MEIS1: variants seen among roughly 807,000 people sequenced by gnomAD.
MEIS1 encodes the protein Meis homeobox 1, also known as homeobox protein Meis1.
Under a neutral mutation model 50.8 loss-of-function variants are expected in MEIS1, and 5 were observed. The ratio of observed to expected loss-of-function variants is 0.10; its 90% CI spans 0.05 to 0.21. MEIS1 has a LOEUF of 0.21. MEIS1 is among the 10% of genes least tolerant of loss of function. The pLI is 1.00. For missense variants in MEIS1, 318 were observed against 517.3 expected (o/e 0.61, Z 3.74); for synonymous variants, 176 against 179.3 (o/e 0.98, Z 0.15).
chr2:66,440,530 C>T (rs746699840), intron 3 of MEIS1, 32 bp from the exon 4 acceptor site: 1 of 1,588,822 alleles, frequency 6.3e-7, no homozygotes, highest in African/African-American at 1.3e-5. Flanking sequence ...TCTCTCCCCT[C>T]CCTCTCCCCT....
intron 7 of MEIS1, among the ~76,000 whole-genome samples, chr2:66,481,743 A>T (rs1286893242): frequency 6.6e-6 from 1 of 151,204 alleles, no homozygotes; most frequent in Non-Finnish European, 1.5e-5. Flanking sequence ...GATTGGTTTT[A>T]TTCCATCTAC....
At chr2:66,567,770 C>T (rs543749423) in intron 10 of MEIS1, 12 of 608,558 alleles carry the variant, frequency 2.0e-5, no homozygotes, top group Non-Finnish European at 2.6e-5. Context: ...ATTCTTTGTA[C>T]ACATTCAATA....
At chr2:66,560,998 G>T (rs1483194096) in intron 9 of MEIS1, among the ~76,000 whole-genome samples, 3 of 152,162 alleles carry the variant, frequency 2.0e-5, no homozygotes, top group Non-Finnish European at 2.9e-5. Context: ...TTAAAATCAT[G>T]TTTCATGAAA....
intron 6 of MEIS1, among the ~76,000 whole-genome samples, chr2:66,463,686 C>CT (rs1330405019): frequency 6.6e-6 from 1 of 152,140 alleles, no homozygotes; most frequent in Admixed American, 6.5e-5. Context: ...CCATGTTTGT[C>CT]TTCTAGGATG....
At chr2:66,546,666 C>G (rs548182298) in intron 8 of MEIS1, among the ~76,000 whole-genome samples, 1 of 152,224 alleles carries the variant, frequency 6.6e-6, no homozygotes, top group South Asian at 2.1e-4. Context: ...ACTTGGAGCT[C>G]TTTAGAGAAA....
rs1319201869 is a variant in MEIS1 at position 66,437,984 on chromosome 2, G to T, written c.239+21G>T. On this transcript the variant is annotated intron_variant, in intron 2 of 12. Coordinates refer to ENST00000272369, the MANE Select transcript of MEIS1 (RefSeq NM_002398.3). ...TATGGGTAGGTACAATGGGCAGCAG[G>T]TTAAGTAGTTGAGACTCAACGCTTC... 10 of 1,541,998 alleles carry T rather than the reference G, an allele frequency of 6.5e-6. No homozygotes were observed. The Admixed American group carries it at 9.8e-5, about 15-fold the overall frequency.
At chr2:66,453,239 G>T (rs557363378) in intron 6 of MEIS1, among the ~76,000 whole-genome samples, 1 of 151,990 alleles carries the variant, frequency 6.6e-6, no homozygotes, top group African/African-American at 2.4e-5. Context: ...CAATTATGTG[G>T]CTTTTCTTTG....
chr2:66,445,370 T>C (rs1672105341), intron 6 of MEIS1: 1 of 152,278 alleles, frequency 6.6e-6, no homozygotes, highest in Non-Finnish European at 1.5e-5. Flanking sequence ...TGGGCTCCAC[T>C]GCCCTGGGGA....
At chr2:66,474,915 T>TA (rs1672852703) in intron 7 of MEIS1, among the ~76,000 whole-genome samples, 1 of 152,058 alleles carries the variant, frequency 6.6e-6, no homozygotes, top group African/African-American at 2.4e-5. Context: ...AAAAAATGTA[T>TA]ATTTTTAAGA....
intron 7 of MEIS1, among the ~76,000 whole-genome samples, chr2:66,476,359 G>T (rs1672891750): frequency 6.6e-6 from 1 of 152,170 alleles, no homozygotes; most frequent in Non-Finnish European, 1.5e-5. Flanking sequence ...AGTATTGCTT[G>T]ATGTACATTT....
intron 10 of MEIS1, 147 bp from the exon 11 acceptor site, chr2:66,568,519 AG>A: frequency 3.2e-6 from 1 of 309,390 alleles, no homozygotes; most frequent in South Asian, 8.7e-5. Context: ...CTAGTCTGAG[AG>A]AAATTTCACT....
intron 7 of MEIS1, among the ~76,000 whole-genome samples, chr2:66,498,981 A>G (rs1386695498): frequency 1.3e-5 from 2 of 152,232 alleles, no homozygotes; most frequent in Non-Finnish European, 2.9e-5. Context: ...TACTGTGCCC[A>G]CCAAAGTAAT....
intron 9 of MEIS1, among the ~76,000 whole-genome samples, chr2:66,550,167 C>CT (rs1388745521): frequency 6.6e-6 from 1 of 152,140 alleles, no homozygotes; most frequent in Non-Finnish European, 1.5e-5. Context: ...TTAAAAATAG[C>CT]TTTTAATTAG....
intron 8 of MEIS1, among the ~76,000 whole-genome samples, chr2:66,522,764 A>T (rs907508737): frequency 1.3e-5 from 2 of 152,200 alleles, no homozygotes; most frequent in African/African-American, 4.8e-5. Context: ...GGGGAGAAAA[A>T]AATAGATTAT....
At chr2:66,489,273 G>A (rs115177242) in intron 7 of MEIS1, among the ~76,000 whole-genome samples, 4 of 152,250 alleles carry the variant, frequency 2.6e-5, no homozygotes, top group African/African-American at 9.6e-5. Flanking sequence ...AGAAAAATAC[G>A]CCTTAGTTGT....
chr2:66,566,921 C>T (rs145296345), intron 9 of MEIS1, among the ~76,000 whole-genome samples: 13 of 152,034 alleles, frequency 8.6e-5, no homozygotes, highest in African/African-American at 2.7e-4. Context: ...AAACTCCAGA[C>T]ATTCTCTCAT....
chr2:66,455,800 C>G (rs1672374577), intron 6 of MEIS1, among the ~76,000 whole-genome samples: 1 of 152,140 alleles, frequency 6.6e-6, no homozygotes, highest in Admixed American at 6.5e-5. Context: ...TATCTTACAG[C>G]CAGGCTGCTT....
intron 6 of MEIS1, among the ~76,000 whole-genome samples, chr2:66,444,622 G>T (rs1029994233): frequency 1.3e-5 from 2 of 152,240 alleles, no homozygotes; most frequent in African/African-American, 4.8e-5. Flanking sequence ...CGGCCCCACA[G>T]AAGTGGGAAA....
chr2:66,455,732 G>C (rs1261863199), intron 6 of MEIS1, among the ~76,000 whole-genome samples: 3 of 151,878 alleles, frequency 2.0e-5, no homozygotes, highest in Admixed American at 2.0e-4. Context: ...GGAGAATGAA[G>C]CATGCTGATT....
Sources: allele counts gnomAD v4.1 joint callset (sites outside exome capture counted in the v4.1 genomes callset), GRCh38; gene constraint gnomAD v4.1.1; transcripts MANE v1.5; gene names NCBI Gene and HGNC (gene_info 2026-07-23, HGNC 2026-07-21).